Variants in EPHA3 observed in about 807,000 individuals in gnomAD.
The protein encoded by EPHA3 is EPH receptor A3.
A neutral mutation model predicts 107.1 loss-of-function variants in EPHA3; 42 were observed. The ratio of observed to expected loss-of-function variants is 0.39; its 90% CI spans 0.31 to 0.51. The LOEUF is 0.51. Among genes scored for constraint, EPHA3 ranks in the 20% least tolerant of loss-of-function variants. The probability of loss-of-function intolerance (pLI) is 0.78; values close to 1 mark genes in which losing one functional copy is unlikely to be tolerated. For synonymous variants in EPHA3, 461 were observed against 424.8 expected (o/e 1.09, Z -1.05); for missense variants, 1,183 against 1,211.2 (o/e 0.98, Z 0.35).
chr3:89,453,605 G>A (rs1387132466), intron 15 of EPHA3, among the ~76,000 whole-genome samples: 1 of 151,944 alleles, frequency 6.6e-6, no homozygotes, highest in Non-Finnish European at 1.5e-5. Context: ...ATGCACGATG[G>A]GTTAGATTTT....
intron 7 of EPHA3, among the ~76,000 whole-genome samples, chr3:89,401,886 T>G (rs1559682752): frequency 6.6e-6 from 1 of 152,126 alleles, no homozygotes. Context: ...TACTGGGACT[T>G]AAATGAATAT....
Position 89,369,514 on chromosome 3 carries a change from A to G in EPHA3, c.1307-26323A>G, listed in dbSNP as rs926896375. On this transcript the variant is annotated intron_variant, in intron 5 of 16. Transcript: ENST00000336596. ...TTATACAAAAATTAATTCAAGATGG[A>G]TTAAAGACTTAAATGTTAGACCTAA... 6.6e-5 allele frequency among the ~76,000 whole-genome samples: 10 copies of G among 150,700 alleles called. 1 individual carries two copies. Among genetic ancestry groups the G allele is most frequent in the Non-Finnish European group, 8.9e-5 (6 of 67,504 alleles).
At chr3:89,363,284 G>C (rs1425011545) in intron 5 of EPHA3, among the ~76,000 whole-genome samples, 1 of 150,416 alleles carries the variant, frequency 6.6e-6, no homozygotes, top group Non-Finnish European at 1.5e-5. Context: ...GAGGGGGCAG[G>C]AGACAGAGAG....
intron 3 of EPHA3, among the ~76,000 whole-genome samples, chr3:89,243,676 G>A (rs1286891028): frequency 2.0e-5 from 3 of 152,196 alleles, no homozygotes; most frequent in Non-Finnish European, 4.4e-5. Flanking sequence ...CGTCAGATGA[G>A]TAGATTGCAA....
intron 2 of EPHA3, among the ~76,000 whole-genome samples, chr3:89,139,306 C>T (rs1704377890): frequency 1.3e-5 from 2 of 151,840 alleles, no homozygotes; most frequent in Admixed American, 1.3e-4. Flanking sequence ...CATAGGTTTA[C>T]TCAAAAGTCT....
chr3:89,273,425 T>G (rs529482960), intron 3 of EPHA3, among the ~76,000 whole-genome samples: 1 of 152,052 alleles, frequency 6.6e-6, no homozygotes, highest in African/African-American at 2.4e-5. Context: ...CAACTTTTCT[T>G]TTTGCCCATT....
intron 2 of EPHA3, among the ~76,000 whole-genome samples, chr3:89,207,409 A>G (rs527787524): frequency 1.3e-3 from 196 of 152,326 alleles, no homozygotes; most frequent in African/African-American, 4.6e-3. Flanking sequence ...GAGAGGATCA[A>G]TCATACTCAA....
In EPHA3 at chr3:89,259,622, T is replaced by C. The variant is rs1215261400; in HGVS notation, c.814+49102T>C. ...TATGGGATACATGTAGATAGTAAAA[T>C]GGTTGCTCTACTGAAGCAGATTAAC... On this transcript the variant is annotated intron_variant, in intron 3 of 16. Transcript: ENST00000336596. Among the ~76,000 whole-genome samples, 5 of 152,198 alleles carry C rather than the reference T, an allele frequency of 3.3e-5. No homozygotes were observed. In the East Asian group the frequency reaches 7.7e-4, roughly 23 times the overall value.
intron 15 of EPHA3, 65 bp downstream of exon 15, chr3:89,450,435 T>C (rs2107555746): frequency 6.6e-7 from 1 of 1,515,858 alleles, no homozygotes; most frequent in South Asian, 1.3e-5. Context: ...TCCAAGATGT[T>C]AATTTTTTTA....
chr3:89,265,447 CTTTTA>C (rs1457292828), intron 3 of EPHA3, among the ~76,000 whole-genome samples: 5 of 152,034 alleles, frequency 3.3e-5, no homozygotes, highest in Admixed American at 6.6e-5. Context: ...CCTTCAAAAA[CTTTTA>C]TTTTAATATT....
At chr3:89,424,989 A>G (rs1199772605) in intron 11 of EPHA3, among the ~76,000 whole-genome samples, 1 of 151,456 alleles carries the variant, frequency 6.6e-6, no homozygotes, top group Admixed American at 6.6e-5. Context: ...TGAAGAAAGA[A>G]ATTATCTCTA....
rs144700037 is a variant in EPHA3 at position 89,427,827 on chromosome 3, C to T, written c.2075-1279C>T. Among the ~76,000 whole-genome samples, 46 of 151,784 alleles carry T rather than the reference C, an allele frequency of 3.0e-4. No individual in the cohort carries two copies. The East Asian group carries it at 8.0e-3, about 26-fold the overall frequency. On this transcript the variant is annotated intron_variant, in intron 11 of 16. Coordinates refer to ENST00000336596, the MANE Select transcript of EPHA3 (RefSeq NM_005233.6). ...TAAGTGATATAACAAATGTCAAGTA[C>T]CTAATGCAATGTTACATAATTCTAA... is the stretch of plus-strand genomic sequence containing the variant.
At chr3:89,286,553 T>G (rs1025293102) in intron 3 of EPHA3, among the ~76,000 whole-genome samples, 4 of 152,008 alleles carry the variant, frequency 2.6e-5, no homozygotes, top group African/African-American at 9.7e-5. Context: ...AAATACTGAG[T>G]ATGTTTTGAA....
chr3:89,132,751 G>A (rs1308098956), intron 2 of EPHA3, among the ~76,000 whole-genome samples: 3 of 152,136 alleles, frequency 2.0e-5, no homozygotes, highest in Non-Finnish European at 2.9e-5. Context: ...TTAGCCTGGA[G>A]TGGTGGCCTT....
chr3:89,334,397 T>C (rs1428425158), intron 3 of EPHA3, among the ~76,000 whole-genome samples: 4 of 152,230 alleles, frequency 2.6e-5, no homozygotes, highest in Non-Finnish European at 5.9e-5. Context: ...CTTAAAGCAG[T>C]GATGAACATG....
At chr3:89,390,002 A>ATT (rs1559676990) in intron 5 of EPHA3, among the ~76,000 whole-genome samples, 2,274 of 151,890 alleles carry the variant, frequency 0.015, 57 homozygotes, top group African/African-American at 0.052. Flanking sequence ...CTTTTTTTAA[A>ATT]TTTTTTTGAG....
chr3:89,302,967 A>C (rs1334210581), intron 3 of EPHA3, among the ~76,000 whole-genome samples: 4 of 152,102 alleles, frequency 2.6e-5, no homozygotes, highest in Non-Finnish European at 5.9e-5. Context: ...ATCAGGGCTC[A>C]CAGCAACCTT....
chr3:89,257,099 G>A (rs1705302823), intron 3 of EPHA3, among the ~76,000 whole-genome samples: 1 of 152,156 alleles, frequency 6.6e-6, no homozygotes, highest in African/African-American at 2.4e-5. Flanking sequence ...ACTTCAAATG[G>A]CTGGAAAAGC....
At chr3:89,215,135 T>A (rs1041871037) in intron 3 of EPHA3, among the ~76,000 whole-genome samples, 2 of 151,910 alleles carry the variant, frequency 1.3e-5, no homozygotes, top group African/African-American at 2.4e-5. Context: ...AGCTAACTTA[T>A]CTATTTACTT....
Sources: allele counts gnomAD v4.1 joint callset (sites outside exome capture counted in the v4.1 genomes callset), GRCh38; gene constraint gnomAD v4.1.1; transcripts MANE v1.5; gene names NCBI Gene and HGNC (gene_info 2026-07-23, HGNC 2026-07-21).